Variants in GALNT13 observed in about 807,000 individuals in gnomAD.
The protein encoded by GALNT13 is UDP-GalNAc:polypeptide N-acetylgalactosaminyltransferase 13.
A neutral mutation model predicts 64.2 loss-of-function variants in GALNT13; 28 were observed. The observed-to-expected ratio is 0.44, with a 90% CI of 0.32 to 0.60. The LOEUF (loss-of-function observed/expected upper bound fraction) is 0.60, where lower values mean the gene tolerates loss of function less well. Among genes scored for constraint, GALNT13 ranks in the 20% least tolerant of loss-of-function variants. The pLI, the probability that GALNT13 is intolerant of heterozygous loss-of-function variation, is 0.05. For missense variants in GALNT13, 577 were observed against 669.8 expected, an observed-to-expected ratio of 0.86 and a Z score of 1.53; for synonymous variants, 214 against 224.6, an observed-to-expected ratio of 0.95 and a Z score of 0.42.
chr2:153,913,251 CT>C (rs1182977841), intron 2 of GALNT13, among the ~76,000 whole-genome samples: 3 of 152,102 alleles, frequency 2.0e-5, no homozygotes, highest in Non-Finnish European at 4.4e-5. Flanking sequence ...GCTTTCATGC[CT>C]GCCAATGCTC....
the GALNT13 span, among the ~76,000 whole-genome samples, chr2:153,859,726 A>G: frequency 6.6e-6 from 1 of 152,178 alleles, no homozygotes; most frequent in South Asian, 2.1e-4. Flanking sequence ...AACTTTCTAG[A>G]TGTAACTGGA....
the GALNT13 span, among the ~76,000 whole-genome samples, chr2:153,516,493 G>C: frequency 6.6e-6 from 1 of 152,152 alleles, no homozygotes; most frequent in Non-Finnish European, 1.5e-5. Flanking sequence ...GTTAAAAAGA[G>C]AAGTAGAAAT....
intron 9 of GALNT13, among the ~76,000 whole-genome samples, chr2:154,395,360 T>C (rs940639868): frequency 6.6e-6 from 1 of 152,174 alleles, no homozygotes; most frequent in Non-Finnish European, 1.5e-5. Context: ...AAATTAATCA[T>C]TTTTCATATA....
the GALNT13 span, among the ~76,000 whole-genome samples, chr2:153,855,712 A>G: frequency 1.3e-5 from 2 of 152,160 alleles, no homozygotes; most frequent in African/African-American, 2.4e-5. Context: ...TTACCATATA[A>G]CCCAGCAATT....
intron 7 of GALNT13, among the ~76,000 whole-genome samples, chr2:154,256,500 T>G (rs1690382630): frequency 6.6e-6 from 1 of 152,190 alleles, no homozygotes. Context: ...AGTTATGCTC[T>G]GAGGCAAATT....
the GALNT13 span, among the ~76,000 whole-genome samples, chr2:153,586,305 T>A: frequency 6.6e-6 from 1 of 152,150 alleles, no homozygotes; most frequent in South Asian, 2.1e-4. Flanking sequence ...TACAAGAAAC[T>A]GATCTTGTCT....
At chr2:153,390,471 G>A in the GALNT13 span, among the ~76,000 whole-genome samples, 3 of 151,734 alleles carry the variant, frequency 2.0e-5, no homozygotes, top group Non-Finnish European at 4.4e-5. Flanking sequence ...ACAAAAAAAA[G>A]AATAGTGTTT....
chr2:153,915,996 A>G (rs1425724600), intron 2 of GALNT13, among the ~76,000 whole-genome samples: 2 of 151,012 alleles, frequency 1.3e-5, no homozygotes, highest in African/African-American at 4.9e-5. Context: ...GATGAAGGGA[A>G]AGATAGATAT....
chr2:153,162,895 C>T, the GALNT13 span, among the ~76,000 whole-genome samples: 15 of 152,164 alleles, frequency 9.9e-5, no homozygotes, highest in East Asian at 2.9e-3. Flanking sequence ...TGACATCAAC[C>T]CACAGAAACA....
chr2:154,347,607 T>G (rs1026195546), intron 9 of GALNT13, among the ~76,000 whole-genome samples: 1 of 152,182 alleles, frequency 6.6e-6, no homozygotes, highest in Non-Finnish European at 1.5e-5. Context: ...GAGCTCAAAT[T>G]GCCAGACAAA....
At chr2:153,928,421 G>T (rs1690296570) in intron 2 of GALNT13, among the ~76,000 whole-genome samples, 1 of 152,044 alleles carries the variant, frequency 6.6e-6, no homozygotes, top group Non-Finnish European at 1.5e-5. Flanking sequence ...GCAGAAGATG[G>T]CCAGCTAGCT....
the GALNT13 span, among the ~76,000 whole-genome samples, chr2:153,529,797 C>T: frequency 1.3e-5 from 2 of 151,942 alleles, no homozygotes; most frequent in African/African-American, 4.8e-5. Context: ...GAATGAAGGA[C>T]AAAAACCAAA....
chr2:153,650,226 CTTT>C, the GALNT13 span, among the ~76,000 whole-genome samples: 2 of 152,142 alleles, frequency 1.3e-5, no homozygotes, highest in African/African-American at 4.8e-5. Context: ...TAATGGCCTT[CTTT>C]GTCTCTTTTG....
chr2:153,188,620 C>CTT, the GALNT13 span, among the ~76,000 whole-genome samples: 1 of 152,136 alleles, frequency 6.6e-6, no homozygotes, highest in African/African-American at 2.4e-5. Context: ...AGAAAATAGT[C>CTT]TGTGTTTTGG....
chr2:153,588,472 T>A, the GALNT13 span, among the ~76,000 whole-genome samples: 1 of 152,328 alleles, frequency 6.6e-6, no homozygotes, highest in East Asian at 1.9e-4. Flanking sequence ...CAACACCACA[T>A]GCAAGCTGCC....
rs1367974966 is a variant in GALNT13, at chr2:154,067,278, CCTTA to C, written c.143-73054_143-73051del. On this transcript the variant is annotated intron_variant, in intron 3 of 12. Transcript: ENST00000392825. ...AAATGGCAAAATGGTGGGATTACAT[CCTTA>C]CTTATCAATGGTAACATTAAATGTA... Among the ~76,000 whole-genome samples, 3 of 151,918 alleles carry C rather than the reference CCTTA, an allele frequency of 2.0e-5. No homozygotes were observed. The East Asian group carries it at 5.8e-4, about 29-fold the overall frequency.
chr2:154,081,642 A>T (rs1701276169), intron 3 of GALNT13, among the ~76,000 whole-genome samples: 1 of 151,708 alleles, frequency 6.6e-6, no homozygotes, highest in Admixed American at 6.6e-5. Context: ...AATTATACGC[A>T]TTTATACCAT....
chr2:154,443,302 T>A (rs1701396424), intron 12 of GALNT13, among the ~76,000 whole-genome samples: 1 of 152,120 alleles, frequency 6.6e-6, no homozygotes, highest in African/African-American at 2.4e-5. Context: ...TCATATTTTA[T>A]AATATTTCTG....
the GALNT13 span, among the ~76,000 whole-genome samples, chr2:153,602,464 A>G: frequency 6.6e-6 from 1 of 150,538 alleles, no homozygotes; most frequent in African/African-American, 2.5e-5. Context: ...AGACCATATA[A>G]TACCCTACTG....
Sources: gnomAD v4.1 joint callset for allele counts (sites outside exome capture counted in the v4.1 genomes callset) on GRCh38, gnomAD v4.1.1 for gene constraint, MANE v1.5 for transcripts, NCBI Gene and HGNC (gene_info 2026-07-23, HGNC 2026-07-21) for gene names.